The following RMND1 variants were observed in gnomAD, a reference collection of about 807,000 sequenced individuals.
RMND1 encodes the protein required for meiotic nuclear division 1 homolog, also known as required for meiotic nuclear division protein 1 homolog.
RMND1 carries 41 observed loss-of-function variants against 54.0 expected under a neutral mutation model. The observed-to-expected ratio is 0.76, with a 90% confidence interval of 0.59 to 0.98. The LOEUF is 0.98. RMND1 is among the 50% of genes least tolerant of loss of function. The pLI, the probability that RMND1 is intolerant of heterozygous loss-of-function variation, is 0.00. For missense variants in RMND1, 457 were observed against 532.0 expected (o/e 0.86, Z 1.39); for synonymous variants, 183 against 181.7 (o/e 1.01, Z -0.06).
chr6:151,442,260 CA>C (rs1582967496), intron 2 of RMND1, among the ~76,000 whole-genome samples: 1 of 148,508 alleles, frequency 6.7e-6, no homozygotes, highest in East Asian at 1.9e-4. Flanking sequence ...AAACATAGTA[CA>C]TATACACATA....
chr6:151,440,882 T>A (rs1780756786), intron 2 of RMND1, among the ~76,000 whole-genome samples: 1 of 152,198 alleles, frequency 6.6e-6, no homozygotes, highest in African/African-American at 2.4e-5. Context: ...TTTTTATACA[T>A]CCTTTTCTGG....
intron 5 of RMND1, among the ~76,000 whole-genome samples, chr6:151,429,123 C>CTTTTTTTTTTT (rs528642361): frequency 2.1e-5 from 3 of 140,048 alleles, no homozygotes; most frequent in Admixed American, 1.4e-4. Context: ...TTGTAACCCG[C>CTTTTTTTTTTT]TTTTTTTTTT....
At chr6:151,436,708 T>C (rs568890746) in intron 2 of RMND1, 154 bp from the exon 3 acceptor site, 10 of 607,986 alleles carry the variant, frequency 1.6e-5, no homozygotes, top group Non-Finnish European at 2.6e-5. Context: ...GGGATGAAGA[T>C]GAAGAGAATG....
At chr6:151,422,480 A>G in intron 8 of RMND1, 61 bp downstream of exon 8, 1 of 857,264 alleles carries the variant, frequency 1.2e-6, no homozygotes, top group Non-Finnish European at 1.8e-6. Flanking sequence ...TATATTGGGA[A>G]ATTCATATTT....
chr6:151,438,198 G>A (rs926211014), intron 2 of RMND1, among the ~76,000 whole-genome samples: 3 of 152,346 alleles, frequency 2.0e-5, no homozygotes, highest in African/African-American at 7.2e-5. Context: ...GCTGATGTAC[G>A]ATGTGTGTAA....
chr6:151,445,939 T>G (rs1187981665), intron 1 of RMND1, 114 bp from the exon 2 acceptor site: 2 of 926,490 alleles, frequency 2.2e-6, no homozygotes, highest in African/African-American at 3.3e-5. Context: ...AACAGATACA[T>G]TCTAAGTTAA....
chr6:151,424,560 A>G (rs751252920), intron 6 of RMND1, among the ~76,000 whole-genome samples: 8 of 152,152 alleles, frequency 5.3e-5, no homozygotes, highest in Non-Finnish European at 7.3e-5. Flanking sequence ...TCCACACAAG[A>G]AAAACTTAAA....
intron 2 of RMND1, among the ~76,000 whole-genome samples, chr6:151,438,456 T>G (rs1381929618): frequency 1.3e-5 from 2 of 152,218 alleles, no homozygotes. Context: ...TGAAGGATCT[T>G]CCTGTAGCTG....
At chr6:151,443,061 C>G (rs1475477968) in intron 2 of RMND1, among the ~76,000 whole-genome samples, 1 of 152,100 alleles carries the variant, frequency 6.6e-6, no homozygotes, top group Non-Finnish European at 1.5e-5. Flanking sequence ...AAAGCAGAGT[C>G]TTTTCCTTGT....
intron 10 of RMND1, chr6:151,408,771 TGGA>T (rs1779712863): frequency 6.6e-6 from 1 of 152,110 alleles, no homozygotes; most frequent in Non-Finnish European, 1.5e-5. Context: ...CTTTGCTAGA[TGGA>T]GGAGGGGGCC....
chr6:151,417,703 T>C (rs1012956432), intron 9 of RMND1, among the ~76,000 whole-genome samples: 1 of 152,108 alleles, frequency 6.6e-6, no homozygotes, highest in Admixed American at 6.5e-5. Flanking sequence ...CCAACAAACA[T>C]GTAAATAAAA....
At chr6:151,407,671 G>A (rs1053752510) in intron 10 of RMND1, among the ~76,000 whole-genome samples, 2 of 152,150 alleles carry the variant, frequency 1.3e-5, no homozygotes, top group African/African-American at 2.4e-5. Context: ...ACTTCGGGAG[G>A]CTGGGGCAGG....
intron 3 of RMND1, among the ~76,000 whole-genome samples, chr6:151,435,572 T>TTTA (rs765618435): frequency 4.4e-4 from 66 of 151,538 alleles, no homozygotes; most frequent in South Asian, 2.3e-3. Flanking sequence ...AACTAATCGT[T>TTTA]TTATTATTAT....
chr6:151,408,367 C>G lies in RMND1; in HGVS notation c.1201-2531G>C, dbSNP rs972520440. On this transcript the variant is annotated intron_variant, in intron 10 of 11. Transcript: ENST00000444024. ...ATTAGCTGGGTGTGGTGGCAGGCAC[C>G]TGTAATCCCAGCTATTTGGGAGGCT... 9.9e-5 allele frequency among the ~76,000 whole-genome samples: 15 copies of G among 152,054 alleles called. 1 individual carries two copies. Among genetic ancestry groups the G allele is most frequent in the Non-Finnish European group, 7.4e-5 (5 of 68,014 alleles).
chr6:151,427,380 A>T, intron 6 of RMND1, 102 bp downstream of exon 6: 1 of 677,820 alleles, frequency 1.5e-6, no homozygotes, highest in Non-Finnish European at 2.5e-6. Flanking sequence ...CGTCTCAAAA[A>T]AAAAAAAAAA....
chr6:151,449,486 T>G (rs1002621975), intron 1 of RMND1, among the ~76,000 whole-genome samples: 1 of 152,140 alleles, frequency 6.6e-6, no homozygotes, highest in Non-Finnish European at 1.5e-5. Flanking sequence ...CATTCTGGTC[T>G]CTGGATCTGT....
intron 9 of RMND1, among the ~76,000 whole-genome samples, chr6:151,420,329 C>T (rs1037827453): frequency 6.6e-6 from 1 of 152,128 alleles, no homozygotes; most frequent in African/African-American, 2.4e-5. Context: ...ATGAGAGATA[C>T]ACAGACAATG....
At chr6:151,450,531 GGGGGTC>G (rs1781130951) in intron 1 of RMND1, among the ~76,000 whole-genome samples, 1 of 145,178 alleles carries the variant, frequency 6.9e-6, no homozygotes, top group Non-Finnish European at 1.5e-5. Context: ...GAGGGAGGTG[GGGGGTC>G]AGCCCCCCGC....
At chr6:151,448,368 C>T (rs1169069478) in intron 1 of RMND1, among the ~76,000 whole-genome samples, 2 of 150,166 alleles carry the variant, frequency 1.3e-5, no homozygotes, top group Admixed American at 1.3e-4. Flanking sequence ...TCTCTCACTC[C>T]CCATGACTTC....
Sources: allele counts gnomAD v4.1 joint callset (sites outside exome capture counted in the v4.1 genomes callset), GRCh38; gene constraint gnomAD v4.1.1; transcripts MANE v1.5; gene names NCBI Gene and HGNC (gene_info 2026-07-23, HGNC 2026-07-21).